Variants in ANXA4 observed in about 807,000 individuals in gnomAD.
ANXA4 encodes the protein 35-beta calcimedin.
Under a neutral mutation model 49.8 loss-of-function variants are expected in ANXA4, and 39 were observed. That is an observed-to-expected ratio of 0.78 (90% confidence interval 0.61 to 1.02). The LOEUF (loss-of-function observed/expected upper bound fraction) is 1.02. Among genes scored for constraint, ANXA4 ranks in the 50% least tolerant of loss-of-function variants. ANXA4 has a pLI of 0.00. For synonymous variants in ANXA4, 134 were observed against 152.5 expected, an observed-to-expected ratio of 0.88 and a Z score of 0.89; for missense variants, 360 against 410.1, an observed-to-expected ratio of 0.88 and a Z score of 1.05.
chr2:69,706,292 CTTTTTTTTTTTTTTTTTTTTT>C (rs916740716), intron 2 of ANXA4, among the ~76,000 whole-genome samples: 12 of 59,312 alleles, frequency 2.0e-4, no homozygotes, highest in African/African-American at 9.3e-4. Context: ...GGTACAATTC[CTTTTTTTTTTTTTTTTTTTTT>C]TTTTTTTTGA....
rs138753300 is a variant in ANXA4 at position 69,794,803 on chromosome 2, C to T, written c.97+6662C>T. The stretch of plus-strand genomic sequence containing the variant: ...AAGGCTTGGTTTAGCTGGTTAAAGG[C>T]TTTTTGAGCCTTAGGTTCCCAAAAG... On this transcript the variant is annotated intron_variant, in intron 3 of 12. Coordinates refer to ENST00000394295, the MANE Select transcript of ANXA4 (RefSeq NM_001153.5). Among the ~76,000 whole-genome samples, 568 of 152,162 alleles carry T rather than the reference C, an allele frequency of 3.7e-3. 1 individual carries two copies. Among genetic ancestry groups the T allele is most frequent in the Admixed American group, 4.6e-3 (70 of 15,276 alleles).
intron 8 of ANXA4, among the ~76,000 whole-genome samples, chr2:69,812,975 G>A (rs530998882): frequency 1.2e-4 from 18 of 152,116 alleles, no homozygotes; most frequent in Non-Finnish European, 2.2e-4. Flanking sequence ...ACTGTCTTCC[G>A]AATCCCGTGG....
intron 1 of ANXA4, 144 bp from the exon 2 acceptor site, chr2:69,781,376 T>G: frequency 3.0e-6 from 2 of 658,108 alleles, no homozygotes; most frequent in South Asian, 3.7e-5. Context: ...CCTTGTATCT[T>G]TGGCTAATCA....
intron 8 of ANXA4, 91 bp downstream of exon 8, chr2:69,812,800 TG>T: frequency 9.1e-7 from 1 of 1,102,178 alleles, no homozygotes; most frequent in South Asian, 1.3e-5. Context: ...TATATTACAG[TG>T]TATATTAGCC....
At chr2:69,762,437 C>T (rs758480905) in intron 1 of ANXA4, among the ~76,000 whole-genome samples, 28 of 151,810 alleles carry the variant, frequency 1.8e-4, no homozygotes, top group Non-Finnish European at 2.4e-4. Context: ...AGTGCCACCA[C>T]GTGCACCTTT....
At chr2:69,794,034 A>G (rs936321434) in intron 3 of ANXA4, among the ~76,000 whole-genome samples, 1 of 152,204 alleles carries the variant, frequency 6.6e-6, no homozygotes, top group African/African-American at 2.4e-5. Context: ...TGCAAACAGT[A>G]ATTCTTATTA....
At chr2:69,707,951 G>A (rs1270172313) in intron 2 of ANXA4, among the ~76,000 whole-genome samples, 2 of 152,072 alleles carry the variant, frequency 1.3e-5, no homozygotes, top group African/African-American at 4.8e-5. Flanking sequence ...TGTAAACGAA[G>A]TTACACAATA....
intron 2 of ANXA4, among the ~76,000 whole-genome samples, chr2:69,701,347 A>AT (rs1268048265): frequency 1.3e-5 from 2 of 152,048 alleles, no homozygotes; most frequent in African/African-American, 4.8e-5. Context: ...CCCATTCAAC[A>AT]TGAACTCCCC....
At chr2:69,816,643 A>T (rs3771535) in intron 9 of ANXA4, 33,494 of 152,738 alleles carry the variant, frequency 0.22, 3,974 homozygotes, top group African/African-American at 0.3. Flanking sequence ...TAAGATGAAT[A>T]GTGGATAATT....
intron 1 of ANXA4, among the ~76,000 whole-genome samples, chr2:69,757,572 C>G (rs1203196611): frequency 6.6e-6 from 1 of 151,328 alleles, no homozygotes; most frequent in African/African-American, 2.4e-5. Context: ...CATGCCCAGC[C>G]TTTTCTGTTA....
At chr2:69,777,173 T>A (rs1458427609) in intron 1 of ANXA4, among the ~76,000 whole-genome samples, 2 of 152,188 alleles carry the variant, frequency 1.3e-5, no homozygotes, top group African/African-American at 4.8e-5. Flanking sequence ...CTCCATATGT[T>A]CACTAACCTG....
intron 1 of ANXA4, among the ~76,000 whole-genome samples, chr2:69,650,265 T>A (rs1676184396): frequency 6.6e-6 from 1 of 151,996 alleles, no homozygotes; most frequent in Non-Finnish European, 1.5e-5. Context: ...GCTACGTTGT[T>A]ATAAATGGAA....
At chr2:69,696,777 G>C (rs1678173526) in intron 2 of ANXA4, among the ~76,000 whole-genome samples, 1 of 152,120 alleles carries the variant, frequency 6.6e-6, no homozygotes, top group Non-Finnish European at 1.5e-5. Flanking sequence ...AGAGTTCTTG[G>C]GTGACTAGGT....
intron 2 of ANXA4, among the ~76,000 whole-genome samples, chr2:69,710,785 T>C (rs536382243): frequency 6.6e-6 from 1 of 152,300 alleles, no homozygotes; most frequent in African/African-American, 2.4e-5. Flanking sequence ...GGCTAACATT[T>C]TTTAACTGGC....
chr2:69,656,688 T>C (rs533012726), intron 2 of ANXA4, among the ~76,000 whole-genome samples: 47 of 150,602 alleles, frequency 3.1e-4, no homozygotes, highest in African/African-American at 1.1e-3. Context: ...TAACTGAGAC[T>C]ACAGGCATGC....
intron 2 of ANXA4, among the ~76,000 whole-genome samples, chr2:69,693,125 T>C (rs997347511): frequency 6.6e-6 from 1 of 152,222 alleles, no homozygotes; most frequent in African/African-American, 2.4e-5. Context: ...AAGAAGAGCA[T>C]CTAATATGCA....
intron 2 of ANXA4, among the ~76,000 whole-genome samples, chr2:69,683,746 T>A (rs1303234982): frequency 2.0e-5 from 3 of 152,180 alleles, no homozygotes; most frequent in Non-Finnish European, 4.4e-5. Context: ...TACTACTCTG[T>A]TCTCTTGAAT....
At chr2:69,778,707 G>A (rs4852332) in intron 1 of ANXA4, among the ~76,000 whole-genome samples, 47,979 of 149,102 alleles carry the variant, frequency 0.32, 8,726 homozygotes, top group Admixed American at 0.47. Flanking sequence ...CCCGGGAGGC[G>A]GAGGTTGCAG....
At chr2:69,753,700 A>G (rs1670941787) in intron 1 of ANXA4, among the ~76,000 whole-genome samples, 1 of 152,212 alleles carries the variant, frequency 6.6e-6, no homozygotes, top group Non-Finnish European at 1.5e-5. Context: ...CTCCTAACCC[A>G]TTCATGGCTG....
Sources: allele counts gnomAD v4.1 joint callset (sites outside exome capture counted in the v4.1 genomes callset), GRCh38; gene constraint gnomAD v4.1.1; transcripts MANE v1.5; gene names NCBI Gene and HGNC (gene_info 2026-07-23, HGNC 2026-07-21).